Variants in GAK observed in about 807,000 individuals in gnomAD.
GAK encodes cyclin-G-associated kinase.
Under a neutral mutation model 143.9 loss-of-function variants are expected in GAK, and 79 were observed. The observed-to-expected ratio is 0.55, with a 90% CI of 0.46 to 0.66. GAK has a LOEUF of 0.66. Among genes scored for constraint, GAK ranks in the 30% least tolerant of loss-of-function variants. GAK has a pLI of 0.00. For synonymous variants in GAK, 881 were observed against 765.5 expected, an observed-to-expected ratio of 1.15 and a Z score of -2.49; for missense variants, 1,693 against 1,779.7, an observed-to-expected ratio of 0.95 and a Z score of 0.88.
chr4:885,650 C>T (rs1192596935), intron 11 of GAK: 2 of 152,242 alleles, frequency 1.3e-5, no homozygotes, highest in Non-Finnish European at 2.9e-5. Context: ...GCCCCGAGGC[C>T]CTGGCTTCAG....
intron 13 of GAK, 122 bp downstream of exon 13, chr4:883,193 T>C (rs1233714855): frequency 8.5e-7 from 1 of 1,171,958 alleles, no homozygotes; most frequent in Non-Finnish European, 1.2e-6. Context: ...CTGCAGCCCC[T>C]CAGGAGACCT....
In GAK at chr4:882,706, C is replaced by T. The variant is rs1375644518; in HGVS notation, c.1518G>A (p.Val506=). The change falls in exon 14 of 28, where the codon GTG becomes GTA. Residue 506 remains valine, a synonymous_variant. Coordinates refer to ENST00000314167, the MANE Select transcript of GAK (RefSeq NM_005255.4). The part of the protein sequence containing the change: ...LRQDHKNVCV[V]HCMDGRAASA... Reference sequence around the variant, plus strand: ...CGGCCCTCGAGCTCACCATGCAGTGCACGACGCAGACGTTCTTGTGGTCCT... The same window carrying T: ...CGGCCCTCGAGCTCACCATGCAGTGTACGACGCAGACGTTCTTGTGGTCCT... 4 of 1,612,230 alleles carry T rather than the reference C, an allele frequency of 2.5e-6. No homozygotes were observed. In the Middle Eastern group the frequency reaches 5.1e-4, roughly 204 times the overall value.
At chr4:894,615 T>TG (rs2152865993) in intron 7 of GAK, 2 of 152,718 alleles carry the variant, frequency 1.3e-5, no homozygotes, top group African/African-American at 4.8e-5. Context: ...GAGGCCTGGA[T>TG]GCTCCACTTC....
intron 10 of GAK, 25 bp downstream of exon 10, chr4:890,507 G>A (rs759205795): frequency 1.3e-6 from 2 of 1,558,330 alleles, no homozygotes; most frequent in African/African-American, 2.7e-5. Context: ...AGGGACAGGT[G>A]GCGGGCACAG....
At position 893,589 on chromosome 4, in the gene GAK, T is replaced by C. The variant is rs1227319918; in HGVS notation, c.878-100A>G. ...ACAGACCACCAGAGGCCACTCCCTC[T>C]ACACACATCAGTGACGTCAGAAGCA... is the stretch of plus-strand genomic sequence containing the variant. On this transcript the variant is annotated intron_variant, in intron 8 of 27. Transcript: ENST00000314167. 4.8e-6 allele frequency: 4 copies of C among 831,296 alleles called. No individual in the cohort carries two copies. The South Asian group carries it at 5.8e-5, about 12-fold the overall frequency. The allele number at this position is 831,296 out of a possible 1,614,324, so 51.5% of individuals were successfully genotyped here.
chr4:903,150 C>T (rs531993904), intron 5 of GAK, among the ~76,000 whole-genome samples: 8 of 152,160 alleles, frequency 5.3e-5, no homozygotes, highest in Non-Finnish European at 8.8e-5. Flanking sequence ...ACCTGTGTGG[C>T]GGTGTGGTGG....
intron 18 of GAK, chr4:872,179 A>C (rs916679706): frequency 4.6e-5 from 7 of 152,316 alleles, no homozygotes; most frequent in African/African-American, 1.7e-4. Flanking sequence ...AAAGGCCTCT[A>C]GTTCACCCCT....
chr4:897,622 A>G (rs1719042562), intron 6 of GAK, among the ~76,000 whole-genome samples: 1 of 152,180 alleles, frequency 6.6e-6, no homozygotes, highest in Non-Finnish European at 1.5e-5. Context: ...CTGTGTTTTC[A>G]GCTCCACTTC....
At chr4:913,728 T>C in intron 1 of GAK, 60 bp from the exon 2 acceptor site, 2 of 1,334,432 alleles carry the variant, frequency 1.5e-6, no homozygotes. Context: ...TATCAGGCTT[T>C]AAAAATACCT....
At position 902,799 on chromosome 4, in the gene GAK, G is replaced by A. The variant is rs1004765661; in HGVS notation, c.525+1838C>T. Among the ~76,000 whole-genome samples, 13 of 152,090 alleles carry A rather than the reference G, an allele frequency of 8.5e-5. No individual in the cohort carries two copies. The South Asian group carries it at 2.1e-3, about 24-fold the overall frequency. On this transcript the variant is annotated intron_variant, in intron 5 of 27. Coordinates refer to ENST00000314167, the MANE Select transcript of GAK (RefSeq NM_005255.4). ...ACGCCGGCAGCACAGGCGACACTTAGCAGATTATGAGAATACACAAGCTGC... is the reference window on the plus strand; with the variant it reads ...ACGCCGGCAGCACAGGCGACACTTAACAGATTATGAGAATACACAAGCTGC...
chr4:914,447 A>C (rs1435982880), intron 1 of GAK, among the ~76,000 whole-genome samples: 52 of 34,932 alleles, frequency 1.5e-3, no homozygotes, highest in Non-Finnish European at 1.5e-3. Flanking sequence ...CACGGCCCCC[A>C]CACACACAGC....
chr4:913,557 T>C (rs1204064172), intron 2 of GAK, 50 bp downstream of exon 2: 2 of 1,375,782 alleles, frequency 1.5e-6, no homozygotes, highest in African/African-American at 1.4e-5. Flanking sequence ...CACCAGACAG[T>C]CCCTTTACAT....
chr4:849,779 G>A lies in GAK; in HGVS notation c.3835-5C>T, dbSNP rs765703835. 40 of 1,609,446 alleles carry A rather than the reference G, an allele frequency of 2.5e-5. No individual in the cohort carries two copies. Among genetic ancestry groups the A allele is most frequent in the Non-Finnish European group, 3.3e-5 (39 of 1,176,828 alleles). On this transcript the variant is annotated splice_region_variant and splice_polypyrimidine_tract_variant and intron_variant, in intron 27 of 27. Coordinates refer to ENST00000314167, the MANE Select transcript of GAK (RefSeq NM_005255.4). Reference sequence around the variant, plus strand: ...CTCGTACGGCTGCCCCGCAGCCTATGGGTGACAGGCGGTGTAAGCGCCTCT... The same window carrying A: ...CTCGTACGGCTGCCCCGCAGCCTATAGGTGACAGGCGGTGTAAGCGCCTCT...
At chr4:916,750 G>A (rs1723144712) in intron 1 of GAK, among the ~76,000 whole-genome samples, 1 of 152,168 alleles carries the variant, frequency 6.6e-6, no homozygotes, top group African/African-American at 2.4e-5. Flanking sequence ...TTTTGGAAAT[G>A]GAAAATGGTA....
At position 888,995 on chromosome 4, in the gene GAK, G is replaced by A. The variant is rs200963774; in HGVS notation, c.1082-25C>T. 1.6e-5 allele frequency: 26 copies of A among 1,601,958 alleles called. No individual in the cohort carries two copies. The East Asian group carries it at 5.0e-4, about 31-fold the overall frequency. On this transcript the variant is annotated intron_variant, in intron 10 of 27. Coordinates refer to ENST00000314167, the MANE Select transcript of GAK (RefSeq NM_005255.4). ...CCTGCAGGGAGACACAGTCTCAGCA[G>A]GCCCCAGGTGCTCGGTCCCACCTCC...
intron 13 of GAK, 97 bp from the exon 14 acceptor site, chr4:882,916 C>T (rs938930169): frequency 6.0e-5 from 90 of 1,490,950 alleles, no homozygotes; most frequent in African/African-American, 9.6e-5. Context: ...CGGGGGCCTC[C>T]GCCAGCTGGT....
intron 24 of GAK, among the ~76,000 whole-genome samples, chr4:854,664 C>T (rs1462714524): frequency 6.6e-6 from 1 of 152,208 alleles, no homozygotes; most frequent in African/African-American, 2.4e-5. Context: ...GTCTGTCTGC[C>T]ATCGCCGCAA....
chr4:865,111 G>T lies in GAK; in HGVS notation c.3166+11C>A. The T allele has an allele frequency of 6.2e-7, 1 of 1,605,734 alleles. No homozygotes were observed. On this transcript the variant is annotated intron_variant, in intron 23 of 27. Coordinates refer to ENST00000314167, the MANE Select transcript of GAK (RefSeq NM_005255.4). ...TCTGGGAGCCCTGTCCTTGGTGGGT[G>T]GTGGCCATACCTTCTGTGGCTGGCG...
rs747405070 is a variant in GAK, at chr4:882,791, C to T, written c.1433G>A (p.Arg478Gln). ...RVSECGWAAR[R>Q]APHLHTLYNI... ...GTACAGGGTGTGCAGGTGTGGGGCC[C>T]GCCGTGCTGCCCAGCCACACTCGGA... Residue 478 changes from arginine (R) to glutamine (Q), a missense_variant, in exon 14 of 28, where the codon CGG becomes CAG. By Grantham distance (43) the Arg-to-Gln change is conservative (BLOSUM62 1). This residue lies in a region of GAK where 871 missense variants were observed against 991.0 expected (regional missense o/e 0.88). Transcript: ENST00000314167. 20 of 1,610,282 alleles carry T rather than the reference C, an allele frequency of 1.2e-5. No individual in the cohort carries two copies. Among genetic ancestry groups the T allele is most frequent in the Admixed American group, 8.3e-5 (5 of 60,006 alleles).
Sources: allele counts gnomAD v4.1 joint callset (sites outside exome capture counted in the v4.1 genomes callset), GRCh38; gene constraint gnomAD v4.1.1; regional missense constraint gnomAD v4.1.1; transcripts MANE v1.5; gene names NCBI Gene and HGNC (gene_info 2026-07-23, HGNC 2026-07-21).